Variants in ARHGAP39 observed in about 807,000 individuals in gnomAD.
ARHGAP39 encodes rho GTPase-activating protein 39.
Under a neutral mutation model 106.9 loss-of-function variants are expected in ARHGAP39, and 44 were observed. The observed-to-expected ratio is 0.41, with a 90% CI of 0.32 to 0.53. The LOEUF (loss-of-function observed/expected upper bound fraction) is 0.53. ARHGAP39 is among the 20% of genes least tolerant of loss of function. The probability of loss-of-function intolerance (pLI) is 0.21; values close to 1 mark genes in which losing one functional copy is unlikely to be tolerated. For synonymous variants in ARHGAP39, 768 were observed against 693.2 expected, an observed-to-expected ratio of 1.11 and a Z score of -1.69; for missense variants, 1,496 against 1,577.3, an observed-to-expected ratio of 0.95 and a Z score of 0.87.
At chr8:144,583,993 G>A (rs1490797120) in intron 2 of ARHGAP39, 5 of 152,360 alleles carry the variant, frequency 3.3e-5, no homozygotes, top group Non-Finnish European at 7.3e-5. Context: ...CCGCAGGGGT[G>A]TTTTAATTCA....
In ARHGAP39 at chr8:144,535,124, G is replaced by A. The variant is rs577279139; in HGVS notation, c.2615-922C>T. On this transcript the variant is annotated intron_variant, in intron 7 of 11. Transcript: ENST00000377307. Reference sequence around the variant, plus strand: ...AGCGCCTACCGCCTGCCAGGGTGAGGGGGGCCTCTGGATCCTGACCCCCAA... The same window carrying A: ...AGCGCCTACCGCCTGCCAGGGTGAGAGGGGCCTCTGGATCCTGACCCCCAA... Among the ~76,000 whole-genome samples, 6 of 152,298 alleles carry A rather than the reference G, an allele frequency of 3.9e-5. No individual in the cohort carries two copies. In the South Asian group the frequency reaches 1.2e-3, roughly 32 times the overall value.
the ARHGAP39 span, chr8:144,698,701 C>G: frequency 2.8e-6 from 1 of 356,766 alleles, no homozygotes; most frequent in Non-Finnish European, 5.6e-6. Context: ...ATTTTCTTGG[C>G]TTTTCCTGGC....
chr8:144,692,640 C>T, the ARHGAP39 span, among the ~76,000 whole-genome samples: 8 of 152,174 alleles, frequency 5.3e-5, no homozygotes, highest in Non-Finnish European at 1.0e-4. Flanking sequence ...GCCTGCAATC[C>T]GCCGCACCAC....
At chr8:144,686,914 CCACA>C (rs1822607124), upstream of ARHGAP39, among the ~76,000 whole-genome samples, 1 of 139,152 alleles carries the variant, frequency 7.2e-6, no homozygotes, top group African/African-American at 2.8e-5. Flanking sequence ...ACCCCCGTGA[CCACA>C]CACTGGCGGC....
chr8:144,633,201 A>G (rs1182047617), intron 1 of ARHGAP39, among the ~76,000 whole-genome samples: 1 of 151,968 alleles, frequency 6.6e-6, no homozygotes, highest in Non-Finnish European at 1.5e-5. Flanking sequence ...GCTCACGCCT[A>G]TAATCCCAGC....
At chr8:144,572,199 A>T (rs1309725705) in intron 3 of ARHGAP39, among the ~76,000 whole-genome samples, 1 of 152,226 alleles carries the variant, frequency 6.6e-6, no homozygotes, top group East Asian at 1.9e-4. Context: ...ACAAAGCTGG[A>T]GGCATCATGC....
At chr8:144,669,904 A>G (rs1302917211) in intron 1 of ARHGAP39, among the ~76,000 whole-genome samples, 1 of 152,242 alleles carries the variant, frequency 6.6e-6, no homozygotes, top group Non-Finnish European at 1.5e-5. Context: ...TTGGAACCTT[A>G]TGTATCGCTG....
intron 3 of ARHGAP39, among the ~76,000 whole-genome samples, chr8:144,570,392 T>C (rs1041223403): frequency 6.6e-6 from 1 of 152,148 alleles, no homozygotes; most frequent in African/African-American, 2.4e-5. Flanking sequence ...CAAACAGCTA[T>C]ACATCATTTA....
In ARHGAP39 at chr8:144,534,154, T is replaced by C. The variant is rs748086323; in HGVS notation, c.2663A>G (p.Lys888Arg). The part of the protein sequence containing the change: ...YAKYCYHKLQ[K>R]AALTGAKKGL... ...CTTCTTGGCCCCGGTCAGGGCTGCC[T>C]TCTGTAGCTTGTGGTAACAGTACTT... is the stretch of plus-strand genomic sequence containing the variant. The change falls in exon 8 of 12, where the codon AAG (lysine) becomes AGG (arginine). Residue 888 changes from lysine (K) to arginine (R), a missense_variant. By Grantham distance (26) the Lys-to-Arg change is conservative (BLOSUM62 2). Coordinates refer to ENST00000377307, the MANE Select transcript of ARHGAP39 (RefSeq NM_025251.3). The C allele has an allele frequency of 1.2e-6, 2 of 1,613,318 alleles. No individual in the cohort carries two copies. Among genetic ancestry groups the C allele is most frequent in the Admixed American group, 3.3e-5 (2 of 60,014 alleles).
chr8:144,549,041 C>T (rs1807961117), intron 4 of ARHGAP39, among the ~76,000 whole-genome samples: 1 of 152,242 alleles, frequency 6.6e-6, no homozygotes, highest in African/African-American at 2.4e-5. Context: ...CTGCAGGTGT[C>T]CCACTAACAC....
rs149780552 is a variant in ARHGAP39 at position 144,570,454 on chromosome 8, A to G, written c.512+10392T>C. Reference sequence around the variant, plus strand: ...AGGCAAATTCTAACCAAAGAGAAACAATGGCACCACAAACTCTAAAAGTTG... The same window carrying G: ...AGGCAAATTCTAACCAAAGAGAAACGATGGCACCACAAACTCTAAAAGTTG... On this transcript the variant is annotated intron_variant, in intron 3 of 11. Transcript: ENST00000377307. Among the ~76,000 whole-genome samples the G allele has an allele frequency of 3.6e-3, 548 of 152,332 alleles. 3 individuals are homozygous for G. Among genetic ancestry groups the G allele is most frequent in the African/African-American group, 0.013 (529 of 41,566 alleles).
chr8:144,581,816 G>A (rs1348357989), intron 2 of ARHGAP39, among the ~76,000 whole-genome samples: 2 of 152,164 alleles, frequency 1.3e-5, no homozygotes, highest in Non-Finnish European at 2.9e-5. Context: ...CCCGATGGGG[G>A]GCAGAGTCTC....
rs545130185 is a variant in ARHGAP39 at position 144,590,751 on chromosome 8, C to A, written c.81-9474G>T. ...TTTGTCAGCTCCAGAGACACCCCTA[C>A]CCCCCCACAACCCAACCTGCTGCCC... On this transcript the variant is annotated intron_variant, in intron 2 of 11. Transcript: ENST00000377307. Among the ~76,000 whole-genome samples the A allele has an allele frequency of 6.9e-5, 10 of 144,624 alleles. No individual in the cohort carries two copies. In the South Asian group the frequency reaches 2.1e-3, roughly 30 times the overall value. The allele number at this position is 144,624 out of a possible 152,430, so 94.9% of individuals were successfully genotyped here.
chr8:144,675,645 C>T (rs1049854420), intron 1 of ARHGAP39, among the ~76,000 whole-genome samples: 6 of 142,550 alleles, frequency 4.2e-5, no homozygotes, highest in African/African-American at 7.9e-5. Context: ...TGGAGTTGTT[C>T]GTTCCTGCCG....
chr8:144,663,552 G>A (rs2129695512), intron 1 of ARHGAP39, among the ~76,000 whole-genome samples: 1 of 152,264 alleles, frequency 6.6e-6, no homozygotes, highest in East Asian at 1.9e-4. Context: ...ACAAGACCTG[G>A]CGGGACTGAA....
In ARHGAP39 at chr8:144,676,822, C is replaced by T. The variant is rs183248459; in HGVS notation, c.-82+8864G>A. Among the ~76,000 whole-genome samples the T allele has an allele frequency of 3.7e-3, 558 of 152,378 alleles. 7 individuals carry two copies. Among genetic ancestry groups the T allele is most frequent in the African/African-American group, 0.012 (515 of 41,596 alleles). ...CAGCCCCAGAGAGAGGCCCCCACAG[C>T]GCAGCAGCTGGCTGAAGGGCTCCTC... On this transcript the variant is annotated intron_variant, in intron 1 of 11. Transcript: ENST00000377307.
chr8:144,603,895 CACAGG>C (rs199941608), intron 2 of ARHGAP39, among the ~76,000 whole-genome samples: 4,073 of 152,222 alleles, frequency 0.027, 93 homozygotes, highest in Admixed American at 0.066. Context: ...ACATCAGGGA[CACAGG>C]ATCCAGCGAG....
intron 1 of ARHGAP39, among the ~76,000 whole-genome samples, chr8:144,676,454 GACAC>G: frequency 7.9e-6 from 1 of 125,820 alleles, no homozygotes; most frequent in African/African-American, 4.7e-5. Flanking sequence ...CCTTGAGCTA[GACAC>G]ACGTGCTGCT....
intron 3 of ARHGAP39, among the ~76,000 whole-genome samples, chr8:144,573,118 T>A (rs1237183188): frequency 6.6e-6 from 1 of 152,178 alleles, no homozygotes; most frequent in Admixed American, 6.5e-5. Context: ...ACCCAAAGGA[T>A]TATAAATCTT....
Sources: gnomAD v4.1 joint callset for allele counts (sites outside exome capture counted in the v4.1 genomes callset) on GRCh38, gnomAD v4.1.1 for gene constraint, MANE v1.5 for transcripts, NCBI Gene and HGNC (gene_info 2026-07-23, HGNC 2026-07-21) for gene names.